The following CLIC5 variants were observed in gnomAD, a reference collection of about 807,000 sequenced individuals.
CLIC5 encodes CLIC family member 5.
In CLIC5, 20 loss-of-function variants were observed where a neutral mutation model predicts 24.7. The ratio of observed to expected loss-of-function variants is 0.81; its 90% CI spans 0.57 to 1.18. The LOEUF (loss-of-function observed/expected upper bound fraction) is 1.18. Among genes scored for constraint, CLIC5 ranks in the 50% most tolerant of loss-of-function variants. The probability of loss-of-function intolerance (pLI) is 0.00; values close to 1 mark genes in which losing one functional copy is unlikely to be tolerated. For missense variants in CLIC5, 341 were observed against 326.1 expected, an observed-to-expected ratio of 1.05 and a Z score of -0.35; for synonymous variants, 159 against 135.6, an observed-to-expected ratio of 1.17 and a Z score of -1.20.
chr6:45,935,097 G>T (rs1763881106), intron 4 of CLIC5, among the ~76,000 whole-genome samples: 1 of 152,220 alleles, frequency 6.6e-6, no homozygotes, highest in Non-Finnish European at 1.5e-5. Context: ...CAAGAGATTT[G>T]CAGGGATTTT....
intron 4 of CLIC5, among the ~76,000 whole-genome samples, chr6:45,926,070 G>A (rs75548661): frequency 0.021 from 3,260 of 152,018 alleles, 120 homozygotes; most frequent in African/African-American, 0.075. Flanking sequence ...GAGACCATCA[G>A]AGTTAGAGCT....
chr6:45,926,884 A>G lies in CLIC5; in HGVS notation c.407-12475T>C, dbSNP rs1052358120. Reference sequence around the variant, plus strand: ...GTGAGATTATTCACCATGAAGCTTGATATCATATAACAGAGGCTACAAAAG... The same window carrying G: ...GTGAGATTATTCACCATGAAGCTTGGTATCATATAACAGAGGCTACAAAAG... On this transcript the variant is annotated intron_variant, in intron 4 of 5. Transcript: ENST00000339561. Among the ~76,000 whole-genome samples the G allele has an allele frequency of 3.9e-5, 6 of 152,306 alleles. No homozygotes were observed. The East Asian group carries it at 9.6e-4, about 24-fold the overall frequency.
intron 3 of CLIC5, among the ~76,000 whole-genome samples, chr6:45,948,584 A>G (rs1014992384): frequency 6.6e-6 from 1 of 152,174 alleles, no homozygotes; most frequent in Non-Finnish European, 1.5e-5. Context: ...GATTGTTTTA[A>G]TCCTTGATAA....
intron 5 of CLIC5, among the ~76,000 whole-genome samples, chr6:45,904,190 T>A (rs1762586340): frequency 6.6e-6 from 1 of 152,196 alleles, no homozygotes; most frequent in African/African-American, 2.4e-5. Flanking sequence ...TTTCTTTATC[T>A]CTAAAATGGA....
chr6:46,093,481 A>G, the CLIC5 span, among the ~76,000 whole-genome samples: 4 of 152,194 alleles, frequency 2.6e-5, no homozygotes, highest in Admixed American at 6.5e-5. Flanking sequence ...TGACTAGGAA[A>G]GTCCTGGTAT....
At chr6:45,933,059 A>G (rs1018385149) in intron 4 of CLIC5, among the ~76,000 whole-genome samples, 5 of 152,228 alleles carry the variant, frequency 3.3e-5, no homozygotes, top group Non-Finnish European at 7.3e-5. Flanking sequence ...TCTATGTGGC[A>G]GGGACAATCA....
rs371929405 is a variant in CLIC5, at chr6:45,947,732, G to A, written c.299+1524C>T. ...AGTGCTAGCAATGAGGTTGAGTCCC[G>A]GGGAGGGGGATGGAGTCTGGGCTCC... On this transcript the variant is annotated intron_variant, in intron 3 of 5. Coordinates refer to ENST00000339561, the MANE Select transcript of CLIC5 (RefSeq NM_016929.5). Among the ~76,000 whole-genome samples, 29 of 152,270 alleles carry A rather than the reference G, an allele frequency of 1.9e-4. No individual in the cohort carries two copies. The East Asian group carries it at 4.0e-3, about 21-fold the overall frequency.
At chr6:46,059,554 C>T (rs1040666069) in intron 1 of CLIC5, among the ~76,000 whole-genome samples, 27 of 152,134 alleles carry the variant, frequency 1.8e-4, no homozygotes, top group African/African-American at 2.4e-4. Context: ...TTGGGACATT[C>T]GAGGGAGCTC....
chr6:46,013,802 T>A (rs987022492), intron 1 of CLIC5, among the ~76,000 whole-genome samples: 2 of 152,198 alleles, frequency 1.3e-5, no homozygotes, highest in African/African-American at 4.8e-5. Flanking sequence ...CTTGACACCT[T>A]GAAACTACCA....
intron 1 of CLIC5, among the ~76,000 whole-genome samples, chr6:46,049,508 A>T: frequency 6.6e-6 from 1 of 152,156 alleles, no homozygotes; most frequent in East Asian, 1.9e-4. Flanking sequence ...ATTGAGGGGA[A>T]TTTAAACGCC....
chr6:45,911,007 T>G (rs1762800704), intron 5 of CLIC5, among the ~76,000 whole-genome samples: 1 of 152,226 alleles, frequency 6.6e-6, no homozygotes, highest in African/African-American at 2.4e-5. Context: ...GCAGGAACTC[T>G]GCTTTAGAGG....
At chr6:46,124,242 C>T in the CLIC5 span, among the ~76,000 whole-genome samples, 3 of 152,256 alleles carry the variant, frequency 2.0e-5, no homozygotes, top group South Asian at 4.1e-4. Context: ...GAGATATAGA[C>T]CAATGGAACA....
chr6:45,979,138 T>G (rs767385788), intron 1 of CLIC5, among the ~76,000 whole-genome samples: 4 of 152,138 alleles, frequency 2.6e-5, no homozygotes, highest in Non-Finnish European at 5.9e-5. Flanking sequence ...ACAAGTCATT[T>G]ACCTCCTCTG....
chr6:46,079,681 GC>G, intron 1 of CLIC5: 1 of 1,538,918 alleles, frequency 6.5e-7, no homozygotes, highest in South Asian at 1.2e-5. Flanking sequence ...AACAGGGTAT[GC>G]CTGTCAGAGG....
rs905204585 is a variant in CLIC5 at position 45,914,164 on chromosome 6, A to G, written c.588+64T>C. The G allele has an allele frequency of 2.9e-6, 4 of 1,373,948 alleles. No homozygotes were observed. In the African/African-American group the frequency reaches 4.3e-5, roughly 15 times the overall value. 85.1% of individuals were successfully genotyped at this position (1,373,948 alleles called of 1,614,324 possible). On this transcript the variant is annotated intron_variant, in intron 5 of 5. Coordinates refer to ENST00000339561, the MANE Select transcript of CLIC5 (RefSeq NM_016929.5). ...GTGGTACTGTCCTTGACTCATCCAC[A>G]CAGGTGACCTGGGCCTAAGATGGAG...
Position 45,901,148 on chromosome 6 carries a change from G to A in CLIC5, c.*1940C>T, listed in dbSNP as rs1459113818. On this transcript the variant is annotated 3_prime_UTR_variant, in exon 6 of 6. Transcript: ENST00000339561. ...TCATTTCAGCCCTCATCCCCCAGGA[G>A]GCCAGTTTGGGGCTTTTCCCTACAG... 1.3e-5 allele frequency: 2 copies of A among 152,124 alleles called. No homozygotes were observed. Among genetic ancestry groups the A allele is most frequent in the Non-Finnish European group, 2.9e-5 (2 of 68,040 alleles). 9.4% of individuals were successfully genotyped at this position (152,124 alleles called of 1,614,324 possible).
At chr6:45,940,728 T>C (rs2127366220) in intron 4 of CLIC5, among the ~76,000 whole-genome samples, 1 of 152,328 alleles carries the variant, frequency 6.6e-6, no homozygotes, top group Middle Eastern at 3.4e-3. Flanking sequence ...ATGGCTGCCA[T>C]TGCCCATAGG....
intron 1 of CLIC5, among the ~76,000 whole-genome samples, chr6:46,068,329 A>T (rs544132091): frequency 6.6e-6 from 1 of 152,284 alleles, no homozygotes; most frequent in South Asian, 2.1e-4. Flanking sequence ...CAAAGCTGAT[A>T]CAGAGGGCTT....
At chr6:46,123,055 G>A in the CLIC5 span, 3 of 152,248 alleles carry the variant, frequency 2.0e-5, no homozygotes, top group African/African-American at 7.2e-5. Flanking sequence ...AATAGAAAGA[G>A]AGGGAATCCT....
Sources: allele counts gnomAD v4.1 joint callset (sites outside exome capture counted in the v4.1 genomes callset), GRCh38; gene constraint gnomAD v4.1.1; transcripts MANE v1.5; gene names NCBI Gene and HGNC (gene_info 2026-07-23, HGNC 2026-07-21).